OGFOD1: variants seen among roughly 807,000 people sequenced by gnomAD.
OGFOD1 encodes the protein 2-oxoglutarate and iron dependent oxygenase domain containing 1, also known as prolyl 3-hydroxylase OGFOD1.
OGFOD1 carries 54 observed loss-of-function variants against 67.7 expected under a neutral mutation model. The observed-to-expected ratio is 0.80, with a 90% CI of 0.64 to 1.00. The LOEUF (loss-of-function observed/expected upper bound fraction) is 1.00. OGFOD1 is among the 50% of genes least tolerant of loss of function. OGFOD1 has a pLI of 0.00. For missense variants in OGFOD1, 606 were observed against 646.7 expected, an observed-to-expected ratio of 0.94 and a Z score of 0.68; for synonymous variants, 221 against 227.0, an observed-to-expected ratio of 0.97 and a Z score of 0.24.
chr16:56,465,851 AT>A (rs1298237838), intron 4 of OGFOD1: 25 of 249,232 alleles, frequency 1.0e-4, no homozygotes, highest in Middle Eastern at 1.4e-3. Context: ...GTCGGATGCT[AT>A]TTTTTTTAAA....
At position 56,462,768 on chromosome 16, in the gene OGFOD1, C is replaced by G. The variant is rs556022286; in HGVS notation, c.448+134C>G. 4 of 602,460 alleles carry G rather than the reference C, an allele frequency of 6.6e-6. No homozygotes were observed. In the East Asian group the frequency reaches 8.6e-5, roughly 13 times the overall value. 37.3% of individuals were successfully genotyped at this position (602,460 alleles called of 1,614,324 possible). A position where few individuals can be genotyped will look rare whatever the true frequency, so the allele number is the denominator to read the frequency against. On this transcript the variant is annotated intron_variant, in intron 4 of 12. Transcript: ENST00000566157. ...GCATCCGGATCTTCCTGATAAAGACCCAGTTCATAGACAGAAATACCCACC... is the reference window on the plus strand; with the variant it reads ...GCATCCGGATCTTCCTGATAAAGACGCAGTTCATAGACAGAAATACCCACC...
In OGFOD1 at chr16:56,478,757, T is replaced by C. The variant is rs1298798552; in HGVS notation, c.*2552T>C. ...CCTTTATCTCAGTGTGTTTATGATC[T>C]GTCAACACATAATCATCTTTTATAC... On this transcript the variant is annotated 3_prime_UTR_variant, in exon 13 of 13. Transcript: ENST00000566157. 5 of 152,208 alleles carry C rather than the reference T, an allele frequency of 3.3e-5. No homozygotes were observed. Among genetic ancestry groups the C allele is most frequent in the Non-Finnish European group, 5.9e-5 (4 of 68,038 alleles). 9.4% of individuals were successfully genotyped at this position (152,208 alleles called of 1,614,324 possible). A position where few individuals can be genotyped will look rare whatever the true frequency, so the allele number is the denominator to read the frequency against.
At chr16:56,457,041 A>G (rs1962545334) in intron 2 of OGFOD1, among the ~76,000 whole-genome samples, 1 of 152,248 alleles carries the variant, frequency 6.6e-6, no homozygotes, top group Non-Finnish European at 1.5e-5. Context: ...TCACCTGCTT[A>G]GACAGTCACT....
rs1954435326 is a variant in OGFOD1 at position 56,477,183 on chromosome 16, A to G, written c.*978A>G. 1 of 152,160 alleles carries G rather than the reference A, an allele frequency of 6.6e-6. No individual in the cohort carries two copies. The highest frequency in any genetic ancestry group is 6.5e-5 in the Admixed American group (1 of 15,276). 9.4% of individuals were successfully genotyped at this position (152,160 alleles called of 1,614,324 possible). A position where few individuals can be genotyped will look rare whatever the true frequency, so the allele number is the denominator to read the frequency against. ...GTGATTGCAGAATTTTGTTCTTCTC[A>G]TAATTTCTGGTTTAGAAAATTATGG... On this transcript the variant is annotated 3_prime_UTR_variant, in exon 13 of 13. Transcript: ENST00000566157.
rs1962969250 is a variant in OGFOD1, at chr16:56,467,822, T to TCCTC, written c.787-83_787-82insCCTC. ...AACTTATAAAATGAGGATTTGCATG[T>TCCTC]ATTTTATTAGTGTGAAATGATGTAA... On this transcript the variant is annotated intron_variant, in intron 7 of 12. Coordinates refer to ENST00000566157, the MANE Select transcript of OGFOD1 (RefSeq NM_018233.4). 4.0e-6 allele frequency: 3 copies of TCCTC among 752,326 alleles called. No individual in the cohort carries two copies. In the East Asian group the frequency reaches 7.5e-5, roughly 19 times the overall value. The allele number at this position is 752,326 out of a possible 1,614,324, so 46.6% of individuals were successfully genotyped here. A position where few individuals can be genotyped will look rare whatever the true frequency, so the allele number is the denominator to read the frequency against.
chr16:56,463,316 G>A (rs1029905273), intron 4 of OGFOD1, among the ~76,000 whole-genome samples: 1 of 146,692 alleles, frequency 6.8e-6, no homozygotes, highest in African/African-American at 2.5e-5. Flanking sequence ...TTTAGAGGAT[G>A]ACTTGGTGAT....
At chr16:56,463,712 ATGCCAG>A (rs1962805074) in intron 4 of OGFOD1, among the ~76,000 whole-genome samples, 1 of 150,220 alleles carries the variant, frequency 6.7e-6, no homozygotes, top group African/African-American at 2.4e-5. Context: ...GTGAGCTACC[ATGCCAG>A]TATTTTTTTT....
In OGFOD1 at chr16:56,478,951, T is replaced by C. The variant is rs965947376; in HGVS notation, c.*2746T>C. The C allele has an allele frequency of 6.6e-6, 1 of 152,224 alleles. No individual in the cohort carries two copies. Among genetic ancestry groups the C allele is most frequent in the Non-Finnish European group, 1.5e-5 (1 of 68,034 alleles). 9.4% of individuals were successfully genotyped at this position (152,224 alleles called of 1,614,324 possible). On this transcript the variant is annotated 3_prime_UTR_variant, in exon 13 of 13. Transcript: ENST00000566157. ...AGATAGATACACAGTGATAGTGAAG[T>C]TTGTTTTCCTTATAGTACTTCATTT...
chr16:56,469,841 A>T (rs1368279552), intron 8 of OGFOD1, among the ~76,000 whole-genome samples, 162 bp from the exon 9 acceptor site: 1 of 122,916 alleles, frequency 8.1e-6, no homozygotes, highest in Non-Finnish European at 1.6e-5. Context: ...CAAGAGTGAA[A>T]CTCCATCTCA....
intron 7 of OGFOD1, 122 bp downstream of exon 7, chr16:56,467,415 C>CTTT: frequency 1.2e-6 from 1 of 828,260 alleles, no homozygotes; most frequent in Non-Finnish European, 1.7e-6. Context: ...TTCCACTTTT[C>CTTT]TTTTTTTTTT....
chr16:56,472,718 G>A (rs752453336), intron 10 of OGFOD1, among the ~76,000 whole-genome samples: 28 of 152,018 alleles, frequency 1.8e-4, no homozygotes, highest in Non-Finnish European at 3.5e-4. Flanking sequence ...TTGCTATGTA[G>A]ACATATACAT....
intron 4 of OGFOD1, among the ~76,000 whole-genome samples, chr16:56,465,382 A>G (rs747077598): frequency 1.4e-4 from 22 of 152,244 alleles, no homozygotes; most frequent in Non-Finnish European, 2.5e-4. Context: ...ATTGAACACC[A>G]CAGGGTTCAT....
At chr16:56,475,370 C>T (rs1963411852) in intron 11 of OGFOD1, 137 bp from the exon 12 acceptor site, 3 of 800,130 alleles carry the variant, frequency 3.7e-6, no homozygotes, top group Admixed American at 4.2e-5. Context: ...TAAGTTCAAG[C>T]TCATAAGTCA....
In OGFOD1 at chr16:56,478,912, T is replaced by G. The variant is rs1215308009; in HGVS notation, c.*2707T>G. ...AAGGATGGTGTAACTTAAAAGATTG[T>G]GTTTCTGCACTGAAGATAGATACAC... is the stretch of plus-strand genomic sequence containing the variant. On this transcript the variant is annotated 3_prime_UTR_variant, in exon 13 of 13. Transcript: ENST00000566157. 6.6e-6 allele frequency: 1 copy of G among 152,244 alleles called. No homozygotes were observed. The highest frequency in any genetic ancestry group is 1.5e-5 in the Non-Finnish European group (1 of 68,046). The allele number at this position is 152,244 out of a possible 1,614,324, so 9.4% of individuals were successfully genotyped here. A position where few individuals can be genotyped will look rare whatever the true frequency, so the allele number is the denominator to read the frequency against.
At chr16:56,456,671 T>A (rs1401800517) in intron 2 of OGFOD1, among the ~76,000 whole-genome samples, 2 of 152,264 alleles carry the variant, frequency 1.3e-5, no homozygotes, top group Non-Finnish European at 2.9e-5. Context: ...CTATTTTTAC[T>A]ATACCTTTTC....
At chr16:56,464,562 T>C (rs1345102044) in intron 4 of OGFOD1, among the ~76,000 whole-genome samples, 1 of 152,228 alleles carries the variant, frequency 6.6e-6, no homozygotes, top group Non-Finnish European at 1.5e-5. Context: ...ATTTATTTAT[T>C]CATTCGTTTA....
chr16:56,462,596 C>G lies in OGFOD1; in HGVS notation c.410C>G (p.Ser137Ter). ...GATATTTCTAAAATTGACCTGGAAT[C>G]AACCATTGACATGTCCTGTGCTAAA... Reference protein sequence around the residue: ...LSDISKIDLESTIDMSCAKYE... With the variant: ...LSDISKIDLE Residue 137 changes from serine (S) to a stop codon, truncating the protein, a stop_gained, in exon 4 of 13, where the codon TCA (serine) becomes TGA (stop). Transcript: ENST00000566157. LOFTEE classifies it high-confidence loss of function. 2 of 1,611,938 alleles carry G rather than the reference C, an allele frequency of 1.2e-6. No homozygotes were observed. The highest frequency in any genetic ancestry group is 1.7e-6 in the Non-Finnish European group (2 of 1,178,188).
rs193210571 is a variant in OGFOD1, at chr16:56,458,419, A to T, written c.301-129A>T. Reference sequence around the variant, plus strand: ...AATGGAGGGGCCCTGTGTTAAACCTAAGCAGCCTGGCTTCAGAGTCTGGGC... The same window carrying T: ...AATGGAGGGGCCCTGTGTTAAACCTTAGCAGCCTGGCTTCAGAGTCTGGGC... On this transcript the variant is annotated intron_variant, in intron 2 of 12. Transcript: ENST00000566157. The T allele has an allele frequency of 1.7e-3, 1,320 of 797,214 alleles. 13 individuals are homozygous for T. Among genetic ancestry groups the T allele is most frequent in the Non-Finnish European group, 4.2e-4 (191 of 453,694 alleles). The allele number at this position is 797,214 out of a possible 1,614,324, so 49.4% of individuals were successfully genotyped here.
chr16:56,458,363 G>A, intron 2 of OGFOD1, 185 bp from the exon 3 acceptor site: 1 of 623,288 alleles, frequency 1.6e-6, no homozygotes, highest in South Asian at 1.8e-5. Flanking sequence ...AAGCACAGAG[G>A]GTAATAACTT....
Sources: gnomAD v4.1 joint callset for allele counts (sites outside exome capture counted in the v4.1 genomes callset) on GRCh38, gnomAD v4.1.1 for gene constraint, MANE v1.5 for transcripts, NCBI Gene and HGNC (gene_info 2026-07-23, HGNC 2026-07-21) for gene names.